SIK2: variants seen among roughly 807,000 people sequenced by gnomAD.
SIK2 encodes serine/threonine-protein kinase SIK2.
Under a neutral mutation model 103.2 loss-of-function variants are expected in SIK2, and 29 were observed. The ratio of observed to expected loss-of-function variants is 0.28; its 90% CI spans 0.21 to 0.38. The LOEUF is 0.38. Among genes scored for constraint, SIK2 ranks in the 10% least tolerant of loss-of-function variants. The pLI is 1.00. For missense variants in SIK2, 879 were observed against 1,171.0 expected, an observed-to-expected ratio of 0.75 and a Z score of 3.64; for synonymous variants, 412 against 446.1, an observed-to-expected ratio of 0.92 and a Z score of 0.96.
Position 111,726,961 on chromosome 11 carries a change from G to A in SIK2, c.*2832G>A, listed in dbSNP as rs778346567. On this transcript the variant is annotated 3_prime_UTR_variant, in exon 15 of 15. Transcript: ENST00000304987. ...TTTTATGTTCTTTTTTTAAATCTGG[G>A]GTATTAGTCTGTGCTTTGGGAGAAA... The A allele has an allele frequency of 6.2e-7, 1 of 1,612,594 alleles. No homozygotes were observed. The highest frequency in any genetic ancestry group is 2.2e-5 in the East Asian group (1 of 44,868).
intron 1 of SIK2, among the ~76,000 whole-genome samples, chr11:111,612,813 A>C (rs1314589867): frequency 1.3e-5 from 2 of 151,818 alleles, no homozygotes; most frequent in Non-Finnish European, 2.9e-5. Flanking sequence ...AAGCAGTTAG[A>C]GTTCCCATGT....
rs1943877466 is a variant in SIK2, at chr11:111,723,779, GCTC to G, written c.2438_2440del (p.Pro813del). 7.4e-6 allele frequency: 12 copies of G among 1,613,802 alleles called. No homozygotes were observed. The highest frequency in any genetic ancestry group is 1.3e-5 in the African/African-American group (1 of 74,900). ...GCCCTCCACTTCCGGTCCCCGGGCT[GCTC>G]CTCCTCTGCCCACGCAGCTACAGCA... On this transcript the variant is annotated inframe_deletion, in exon 15 of 15. Coordinates refer to ENST00000304987, the MANE Select transcript of SIK2 (RefSeq NM_015191.3).
chr11:111,608,853 A>G (rs537370962), intron 1 of SIK2, among the ~76,000 whole-genome samples: 5 of 152,298 alleles, frequency 3.3e-5, no homozygotes, highest in East Asian at 3.9e-4. Flanking sequence ...TACATTACCT[A>G]TCTTACGGTG....
intron 7 of SIK2, 59 bp from the exon 8 acceptor site, chr11:111,704,928 G>A (rs1355495913): frequency 1.3e-6 from 2 of 1,509,772 alleles, no homozygotes; most frequent in East Asian, 2.5e-5. Context: ...TTAGGCATGT[G>A]TAGATCATTG....
intron 9 of SIK2, among the ~76,000 whole-genome samples, chr11:111,717,826 G>C (rs985901392): frequency 2.6e-5 from 4 of 152,148 alleles, no homozygotes; most frequent in African/African-American, 7.2e-5. Context: ...ATTATCCTCA[G>C]CTGAACAGAA....
intron 3 of SIK2, among the ~76,000 whole-genome samples, chr11:111,632,641 C>G (rs1198892226): frequency 6.6e-6 from 1 of 151,994 alleles, no homozygotes; most frequent in Non-Finnish European, 1.5e-5. Context: ...GTGGCATAAC[C>G]AAGACTTGAA....
At chr11:111,708,534 T>G (rs900369269) in intron 8 of SIK2, among the ~76,000 whole-genome samples, 5 of 152,116 alleles carry the variant, frequency 3.3e-5, no homozygotes. Context: ...TTAGAAAAAA[T>G]ACGTCATATT....
intron 3 of SIK2, among the ~76,000 whole-genome samples, chr11:111,631,757 TC>T (rs1181191632): frequency 6.6e-6 from 1 of 152,194 alleles, no homozygotes; most frequent in Non-Finnish European, 1.5e-5. Context: ...CCCTGCTAAT[TC>T]CAGGAAGGCC....
At chr11:111,719,669 TTTTAC>T in intron 9 of SIK2, 101 bp from the exon 10 acceptor site, 1 of 1,113,538 alleles carries the variant, frequency 9.0e-7, no homozygotes, top group Non-Finnish European at 1.3e-6. Context: ...TGTTTAAATA[TTTTAC>T]TTAATTTCTA....
At chr11:111,664,828 G>A (rs1250122166) in intron 3 of SIK2, among the ~76,000 whole-genome samples, 4 of 152,068 alleles carry the variant, frequency 2.6e-5, no homozygotes, top group East Asian at 1.9e-4. Context: ...TTGGAACAGC[G>A]GAACTCTTAG....
intron 3 of SIK2, among the ~76,000 whole-genome samples, chr11:111,636,698 A>G (rs905839833): frequency 6.6e-6 from 1 of 152,168 alleles, no homozygotes; most frequent in African/African-American, 2.4e-5. Flanking sequence ...AAATATTGTG[A>G]GATCTTACAC....
chr11:111,649,025 G>T (rs780475683), intron 3 of SIK2, among the ~76,000 whole-genome samples: 19 of 152,216 alleles, frequency 1.2e-4, no homozygotes, highest in Non-Finnish European at 2.5e-4. Context: ...TCAGCAAAAT[G>T]AATACTTTTT....
chr11:111,622,848 G>A (rs1251163339), intron 3 of SIK2, among the ~76,000 whole-genome samples: 1 of 152,036 alleles, frequency 6.6e-6, no homozygotes, highest in Non-Finnish European at 1.5e-5. Context: ...ATTTACCACT[G>A]GTTTCAACAA....
Position 111,722,230 on chromosome 11 carries a change from T to C in SIK2, c.2055+290T>C, listed in dbSNP as rs1943823440. Among the ~76,000 whole-genome samples, 1 of 152,194 alleles carries C rather than the reference T, an allele frequency of 6.6e-6. No homozygotes were observed. The highest frequency in any genetic ancestry group is 6.5e-5 in the Admixed American group (1 of 15,276). On this transcript the variant is annotated intron_variant, in intron 13 of 14. Transcript: ENST00000304987. This position sits in a 1 kb window ranked among gnomAD's most constrained non-coding sequence, Gnocchi z 4.4. Reference sequence around the variant, plus strand: ...TTCTTTCTAATTGTATTCCTCTTAATGAGTAACAAATAAAATGAAAACCTT... The same window carrying C: ...TTCTTTCTAATTGTATTCCTCTTAACGAGTAACAAATAAAATGAAAACCTT...
intron 1 of SIK2, among the ~76,000 whole-genome samples, chr11:111,609,821 A>G (rs1045631367): frequency 3.9e-5 from 6 of 152,232 alleles, no homozygotes; most frequent in East Asian, 3.9e-4. Flanking sequence ...ATGATAGGCT[A>G]GTAGGTTGTA....
At chr11:111,694,716 G>A (rs1943029747) in intron 4 of SIK2, among the ~76,000 whole-genome samples, 1 of 152,170 alleles carries the variant, frequency 6.6e-6, no homozygotes, top group Admixed American at 6.5e-5. Flanking sequence ...AAAGCACAAT[G>A]AAACTTTGTA....
chr11:111,671,010 C>T (rs1942618870), intron 3 of SIK2: 2 of 164,044 alleles, frequency 1.2e-5, no homozygotes, highest in Admixed American at 6.4e-5. Flanking sequence ...GGATCTTGAT[C>T]TTCTTCACAA....
At chr11:111,699,763 TTACAGCAACCTGCTGACTA>T (rs1943167207) in intron 4 of SIK2, among the ~76,000 whole-genome samples, 1 of 152,212 alleles carries the variant, frequency 6.6e-6, no homozygotes, top group African/African-American at 2.4e-5. Flanking sequence ...CATTGGGCCT[TTACAGCAACCTGCTGACTA>T]AGTGTATTTA....
intron 9 of SIK2, among the ~76,000 whole-genome samples, chr11:111,719,264 G>A (rs868013003): frequency 6.6e-6 from 1 of 151,562 alleles, no homozygotes; most frequent in Non-Finnish European, 1.5e-5. Flanking sequence ...TAAATCAAAT[G>A]GGCAGGTACT....
Sources: gnomAD v4.1 joint callset for allele counts (sites outside exome capture counted in the v4.1 genomes callset) on GRCh38, gnomAD v4.1.1 for gene constraint, Gnocchi (gnomAD v3.1) non-coding constraint, MANE v1.5 for transcripts, NCBI Gene and HGNC (gene_info 2026-07-23, HGNC 2026-07-21) for gene names.